The following SCFD2 variants were observed in gnomAD, a reference collection of about 807,000 sequenced individuals.
The protein encoded by SCFD2 is sec1 family domain containing 2, also known as sec1 family domain-containing protein 2.
A neutral mutation model predicts 58.9 loss-of-function variants in SCFD2; 54 were observed. The ratio of observed to expected loss-of-function variants is 0.92; its 90% CI spans 0.74 to 1.15. SCFD2 has a LOEUF of 1.15. SCFD2 is among the 50% of genes most tolerant of loss of function. The probability of loss-of-function intolerance (pLI) is 0.00; values close to 1 mark genes in which losing one functional copy is unlikely to be tolerated. For missense variants in SCFD2, 805 were observed against 836.6 expected, an observed-to-expected ratio of 0.96 and a Z score of 0.47; for synonymous variants, 321 against 335.9, an observed-to-expected ratio of 0.96 and a Z score of 0.49.
At chr4:53,303,032 T>C (rs557102362) in intron 3 of SCFD2, among the ~76,000 whole-genome samples, 50 of 152,276 alleles carry the variant, frequency 3.3e-4, no homozygotes, top group African/African-American at 1.1e-3. Flanking sequence ...ATTCAGGACA[T>C]AGGCATGGGC....
chr4:53,007,629 G>A (rs1438145330), intron 5 of SCFD2, among the ~76,000 whole-genome samples: 1 of 152,138 alleles, frequency 6.6e-6, no homozygotes, highest in African/African-American at 2.4e-5. Flanking sequence ...ATCTGTACCT[G>A]TAAAATGGAG....
chr4:53,017,838 G>A (rs145420846), intron 5 of SCFD2, among the ~76,000 whole-genome samples: 2,227 of 152,164 alleles, frequency 0.015, 56 homozygotes, highest in African/African-American at 0.051. Context: ...CACCACTTCA[G>A]GGCCTTTGCA....
In SCFD2 at chr4:52,895,268, C is replaced by T. The variant is rs907044147; in HGVS notation, c.1843-9402G>A. On this transcript the variant is annotated intron_variant, in intron 7 of 8. Coordinates refer to ENST00000401642, the MANE Select transcript of SCFD2 (RefSeq NM_152540.4). ...CGTGTGCCATGTGGGTGTGCTGCAC[C>T]CATTAACTCATCATTTAGCATTAGG... 2.0e-5 allele frequency among the ~76,000 whole-genome samples: 3 copies of T among 151,984 alleles called. No individual in the cohort carries two copies. The South Asian group carries it at 6.2e-4, about 32-fold the overall frequency.
chr4:53,312,307 A>C (rs1732716074), intron 3 of SCFD2, among the ~76,000 whole-genome samples: 1 of 152,226 alleles, frequency 6.6e-6, no homozygotes, highest in Non-Finnish European at 1.5e-5. Context: ...TTTTATAAAT[A>C]AAGTGCATAT....
chr4:53,261,554 T>C (rs1190726818), intron 4 of SCFD2, among the ~76,000 whole-genome samples: 7 of 152,344 alleles, frequency 4.6e-5, no homozygotes, highest in Middle Eastern at 3.4e-3. Flanking sequence ...TGGAGTTGAC[T>C]TCCAATTTTA....
chr4:52,899,109 C>G (rs150560200), intron 7 of SCFD2, among the ~76,000 whole-genome samples: 209 of 152,276 alleles, frequency 1.4e-3, no homozygotes, highest in African/African-American at 4.8e-3. Context: ...ATCCGATTTG[C>G]CAGTCTGTAC....
At chr4:53,108,936 T>A (rs962081787) in intron 5 of SCFD2, among the ~76,000 whole-genome samples, 19 of 152,188 alleles carry the variant, frequency 1.2e-4, no homozygotes, top group African/African-American at 4.3e-4. Context: ...CAGGCCAATA[T>A]CCCTGATGAA....
chr4:53,217,276 A>T (rs1413793483), intron 4 of SCFD2, among the ~76,000 whole-genome samples: 1 of 152,102 alleles, frequency 6.6e-6, no homozygotes, highest in Non-Finnish European at 1.5e-5. Flanking sequence ...ATTGTGTGGG[A>T]GTCTAAGTCT....
intron 8 of SCFD2, among the ~76,000 whole-genome samples, chr4:52,881,874 C>T (rs190829738): frequency 2.6e-5 from 4 of 152,200 alleles, no homozygotes; most frequent in Admixed American, 6.5e-5. Context: ...AAGTGGCAGA[C>T]TCTGTTTGTG....
chr4:53,349,969 G>A (rs1734165895), intron 2 of SCFD2, among the ~76,000 whole-genome samples: 1 of 152,176 alleles, frequency 6.6e-6, no homozygotes, highest in African/African-American at 2.4e-5. Flanking sequence ...CGTTACCTTA[G>A]GCATGTTATT....
intron 5 of SCFD2, among the ~76,000 whole-genome samples, chr4:53,140,909 T>C (rs1726115990): frequency 6.6e-6 from 1 of 152,154 alleles, no homozygotes; most frequent in South Asian, 2.1e-4. Context: ...ATTTTTAGTA[T>C]ACAAAAATGG....
At chr4:53,216,946 C>T (rs1287070157) in intron 4 of SCFD2, among the ~76,000 whole-genome samples, 9 of 152,158 alleles carry the variant, frequency 5.9e-5, no homozygotes, top group Admixed American at 2.0e-4. Context: ...TTCCATGTAG[C>T]TGAGCGGTTT....
At chr4:52,925,958 A>T (rs1398977670) in intron 5 of SCFD2, among the ~76,000 whole-genome samples, 1 of 152,034 alleles carries the variant, frequency 6.6e-6, no homozygotes, top group Non-Finnish European at 1.5e-5. Flanking sequence ...CTGTGTCAGC[A>T]CCTACACTTC....
At chr4:53,075,684 C>T (rs1417530721) in intron 5 of SCFD2, among the ~76,000 whole-genome samples, 1 of 152,192 alleles carries the variant, frequency 6.6e-6, no homozygotes, top group East Asian at 1.9e-4. Flanking sequence ...ACAGGAACAG[C>T]CAATTGGTGG....
chr4:53,363,348 T>G (rs1734600630), intron 1 of SCFD2, among the ~76,000 whole-genome samples: 1 of 151,886 alleles, frequency 6.6e-6, no homozygotes, highest in African/African-American at 2.4e-5. Context: ...TGAGTTTTGC[T>G]GTGTTGCCCA....
At chr4:53,311,691 A>C (rs1464632380) in intron 3 of SCFD2, among the ~76,000 whole-genome samples, 2 of 151,430 alleles carry the variant, frequency 1.3e-5, no homozygotes, top group Non-Finnish European at 2.9e-5. Flanking sequence ...GCTGGAGTGC[A>C]GTGGCGCAAT....
chr4:53,116,265 A>G (rs1725316075), intron 5 of SCFD2, among the ~76,000 whole-genome samples: 1 of 152,184 alleles, frequency 6.6e-6, no homozygotes, highest in African/African-American at 2.4e-5. Flanking sequence ...ATTCTCTCTC[A>G]CATTAAATGT....
intron 5 of SCFD2, among the ~76,000 whole-genome samples, chr4:53,015,920 C>G (rs1722202397): frequency 6.6e-6 from 1 of 152,122 alleles, no homozygotes; most frequent in African/African-American, 2.4e-5. Flanking sequence ...GCCAGCAGCT[C>G]TTGTAGGAAG....
intron 4 of SCFD2, among the ~76,000 whole-genome samples, chr4:53,189,505 G>A (rs1045241844): frequency 5.9e-5 from 9 of 152,124 alleles, no homozygotes; most frequent in African/African-American, 1.4e-4. Context: ...TGCAAACTTC[G>A]CTTCCTTCTT....
Sources: gnomAD v4.1 joint callset for allele counts (sites outside exome capture counted in the v4.1 genomes callset) on GRCh38, gnomAD v4.1.1 for gene constraint, MANE v1.5 for transcripts, NCBI Gene and HGNC (gene_info 2026-07-23, HGNC 2026-07-21) for gene names.